The following CENPU variants were observed in gnomAD, a reference collection of about 807,000 sequenced individuals.
CENPU encodes centromere protein U, also known as KSHV latent nuclear antigen interacting protein 1.
CENPU carries 46 observed loss-of-function variants against 56.7 expected under a neutral mutation model. That is an observed-to-expected ratio of 0.81 (90% CI 0.64 to 1.04). The LOEUF (loss-of-function observed/expected upper bound fraction) is 1.04, where lower values mean the gene tolerates loss of function less well. Ranked by LOEUF, CENPU falls within the 50% of genes least tolerant of loss-of-function variation. CENPU has a pLI of 0.00. For synonymous variants in CENPU, 166 were observed against 163.0 expected (o/e 1.02, Z -0.14); for missense variants, 510 against 490.1 (o/e 1.04, Z -0.38).
Position 184,694,285 on chromosome 4 carries a change from G to T in CENPU, c.*1003C>A, listed in dbSNP as rs566942948. On this transcript the variant is annotated 3_prime_UTR_variant, in exon 13 of 13. Coordinates refer to ENST00000281453, the MANE Select transcript of CENPU (RefSeq NM_024629.4). ...GGGAGTATTGAAAAGTATGTGCACA[G>T]AACTGTAGGTAATTTCAAATTTGGA... 3 of 1,302,198 alleles carry T rather than the reference G, an allele frequency of 2.3e-6. No homozygotes were observed. The highest frequency in any genetic ancestry group is 4.4e-5 in the South Asian group (2 of 45,928). The allele number at this position is 1,302,198 out of a possible 1,614,324, so 80.7% of individuals were successfully genotyped here.
At chr4:184,726,379 A>G (rs568326022) in intron 3 of CENPU, among the ~76,000 whole-genome samples, 27 of 152,296 alleles carry the variant, frequency 1.8e-4, no homozygotes, top group African/African-American at 6.5e-4. Flanking sequence ...GGGAAAAAAA[A>G]AGCAAATGGT....
rs919057618 is a variant in CENPU, at chr4:184,694,149, T to A, written c.*1139A>T. 7 of 882,270 alleles carry A rather than the reference T, an allele frequency of 7.9e-6. No individual in the cohort carries two copies. In the African/African-American group the frequency reaches 1.3e-4, roughly 16 times the overall value. 54.7% of individuals were successfully genotyped at this position (882,270 alleles called of 1,614,324 possible). A position where few individuals can be genotyped will look rare whatever the true frequency, so the allele number is the denominator to read the frequency against. ...ACGATTTGCTAAATACTTTAAAATTTAAAGCATGGGTACTAAGTCCATTGT... is the reference window on the plus strand; with the variant it reads ...ACGATTTGCTAAATACTTTAAAATTAAAAGCATGGGTACTAAGTCCATTGT... On this transcript the variant is annotated 3_prime_UTR_variant, in exon 13 of 13. Coordinates refer to ENST00000281453, the MANE Select transcript of CENPU (RefSeq NM_024629.4).
At chr4:184,708,783 T>C (rs979713830) in intron 8 of CENPU, among the ~76,000 whole-genome samples, 3 of 152,148 alleles carry the variant, frequency 2.0e-5, no homozygotes, top group Non-Finnish European at 2.9e-5. Flanking sequence ...CACTGAGGTG[T>C]TGGATGAAAT....
Position 184,728,917 on chromosome 4 carries a change from C to A in CENPU, c.214+1G>T. 6.2e-7 allele frequency: 1 copy of A among 1,607,732 alleles called. No individual in the cohort carries two copies. The highest frequency in any genetic ancestry group is 1.1e-5 in the South Asian group (1 of 90,908). ...TTAGGATAAAGATTTAAAGTACTAA[C>A]CAAAGGTCTCATAAGTTTCTTCATC... On this transcript the variant is annotated splice_donor_variant, in intron 3 of 12. Transcript: ENST00000281453. LOFTEE classifies it high-confidence loss of function.
intron 4 of CENPU, 56 bp downstream of exon 4, chr4:184,724,901 G>C: frequency 8.6e-7 from 1 of 1,156,094 alleles, no homozygotes. Context: ...ATCTTAAAGA[G>C]TTTCTCAGAA....
chr4:184,733,867 A>T, intron 1 of CENPU, 149 bp downstream of exon 1: 1 of 1,032,600 alleles, frequency 9.7e-7, no homozygotes, highest in Non-Finnish European at 1.5e-6. Context: ...CACTAGACTG[A>T]GGAGGAAGCC....
intron 4 of CENPU, among the ~76,000 whole-genome samples, chr4:184,722,981 A>G (rs1238860411): frequency 1.3e-5 from 2 of 152,212 alleles, no homozygotes; most frequent in African/African-American, 4.8e-5. Context: ...TATAAAAAGG[A>G]CAAACACGTT....
intron 8 of CENPU, among the ~76,000 whole-genome samples, chr4:184,704,446 GCA>G (rs1249718569): frequency 6.6e-6 from 1 of 152,038 alleles, no homozygotes; most frequent in East Asian, 1.9e-4. Context: ...TATAGCCGCG[GCA>G]TGTACTAGGC....
chr4:184,715,330 G>GT (rs1231965231), intron 6 of CENPU, among the ~76,000 whole-genome samples: 2 of 152,156 alleles, frequency 1.3e-5, no homozygotes, highest in Non-Finnish European at 2.9e-5. Flanking sequence ...AGAATTCTTT[G>GT]TTTTTTGAGA....
Position 184,694,907 on chromosome 4 carries a change from T to C in CENPU, c.*381A>G, listed in dbSNP as rs1579745236. The C allele has an allele frequency of 1.2e-6, 1 of 816,542 alleles. No individual in the cohort carries two copies. The allele number at this position is 816,542 out of a possible 1,614,324, so 50.6% of individuals were successfully genotyped here. A position where few individuals can be genotyped will look rare whatever the true frequency, so the allele number is the denominator to read the frequency against. On this transcript the variant is annotated 3_prime_UTR_variant, in exon 13 of 13. Transcript: ENST00000281453. ...TTACTTTGCTTTCCAATTTTTGTTT[T>C]TTACTTCTGTAAACCAATTTCATTA...
At chr4:184,696,241 G>A (rs545582531) in intron 12 of CENPU, among the ~76,000 whole-genome samples, 1 of 152,302 alleles carries the variant, frequency 6.6e-6, no homozygotes, top group South Asian at 2.1e-4. Context: ...ACCTGCTCTA[G>A]GGAGGAATAA....
Position 184,716,439 on chromosome 4 carries a change from C to A in CENPU, c.576G>T (p.Gln192His), listed in dbSNP as rs202168309. 1 of 1,614,038 alleles carries A rather than the reference C, an allele frequency of 6.2e-7. No homozygotes were observed. The highest frequency in any genetic ancestry group is 8.5e-7 in the Non-Finnish European group (1 of 1,180,036). ...TSKKTGPLSA[Q>H]PSVEKENLAI... is the part of the protein sequence containing the mutation. ...CCAAGTTCTCTTTTTCAACAGAGGG[C>A]TGGGCACTAAGGGGTCCTGTCTTTT... The change falls in exon 6 of 13, where the codon CAG becomes CAT. Residue 192 changes from glutamine to histidine, a missense_variant. Physicochemically the swap from Gln to His is conservative, Grantham distance 24. Transcript: ENST00000281453.
At position 184,697,820 on chromosome 4, in the gene CENPU, T is replaced by A; in HGVS notation, c.987-17A>T. 1 of 1,580,286 alleles carries A rather than the reference T, an allele frequency of 6.3e-7. No individual in the cohort carries two copies. The highest frequency in any genetic ancestry group is 8.6e-7 in the Non-Finnish European group (1 of 1,167,228). ...GGCTCTAACCTAAAACAAAAATAAGTGACAAATAATAAAATGTACCAGCCT... is the reference window on the plus strand; with the variant it reads ...GGCTCTAACCTAAAACAAAAATAAGAGACAAATAATAAAATGTACCAGCCT... On this transcript the variant is annotated splice_polypyrimidine_tract_variant and intron_variant, in intron 11 of 12. Coordinates refer to ENST00000281453, the MANE Select transcript of CENPU (RefSeq NM_024629.4).
intron 12 of CENPU, among the ~76,000 whole-genome samples, chr4:184,696,537 T>TA (rs1166438907): frequency 6.6e-6 from 1 of 152,070 alleles, no homozygotes; most frequent in Non-Finnish European, 1.5e-5. Flanking sequence ...CTTAGGTAAT[T>TA]AAAAAAATAC....
At chr4:184,710,049 T>C (rs1472850470) in intron 8 of CENPU, 23 bp downstream of exon 8, 2 of 1,414,120 alleles carry the variant, frequency 1.4e-6, no homozygotes, top group East Asian at 2.3e-5. Context: ...TAGGTAAATA[T>C]AGCACATCAT....
Position 184,694,816 on chromosome 4 carries a change from A to C in CENPU, c.*472T>G, listed in dbSNP as rs372080848. 2 of 1,536,674 alleles carry C rather than the reference A, an allele frequency of 1.3e-6. No individual in the cohort carries two copies. Among genetic ancestry groups the C allele is most frequent in the Non-Finnish European group, 1.8e-6 (2 of 1,115,838 alleles). ...TGAACACTTTTGTCACCAGGCTATA[A>C]TTTGCCTGATGTCTGTGAGATTTGA... On this transcript the variant is annotated 3_prime_UTR_variant, in exon 13 of 13. Transcript: ENST00000281453.
intron 8 of CENPU, among the ~76,000 whole-genome samples, chr4:184,709,435 C>T (rs1340674086): frequency 6.7e-6 from 1 of 150,290 alleles, no homozygotes; most frequent in African/African-American, 2.5e-5. Context: ...TTCAGTGAGC[C>T]GAGATCTCTC....
intron 11 of CENPU, among the ~76,000 whole-genome samples, chr4:184,700,155 G>T (rs925801887): frequency 2.6e-5 from 4 of 152,072 alleles, no homozygotes; most frequent in Admixed American, 1.3e-4. Flanking sequence ...ACACTTGGGG[G>T]CTGACAGCTG....
intron 10 of CENPU, among the ~76,000 whole-genome samples, chr4:184,701,159 AC>A (rs1760521613): frequency 6.6e-6 from 1 of 152,152 alleles, no homozygotes; most frequent in Non-Finnish European, 1.5e-5. Flanking sequence ...TCTTTACTGG[AC>A]CCTGTGACCT....
Sources: gnomAD v4.1 joint callset for allele counts (sites outside exome capture counted in the v4.1 genomes callset) on GRCh38, gnomAD v4.1.1 for gene constraint, MANE v1.5 for transcripts, NCBI Gene and HGNC (gene_info 2026-07-23, HGNC 2026-07-21) for gene names.